Variants in SALL4 observed in about 807,000 individuals in gnomAD.
SALL4 encodes the protein sal-like protein 4.
SALL4 carries 4 observed loss-of-function variants against 60.8 expected under a neutral mutation model. That is an observed-to-expected ratio of 0.07 (90% CI 0.03 to 0.15). The LOEUF (loss-of-function observed/expected upper bound fraction) is 0.15, where lower values mean the gene tolerates loss of function less well. Ranked by LOEUF, SALL4 falls within the 10% of genes least tolerant of loss-of-function variation. The pLI, the probability that SALL4 is intolerant of heterozygous loss-of-function variation, is 1.00. For synonymous variants in SALL4, 580 were observed against 574.9 expected (o/e 1.01, Z -0.13); for missense variants, 1,178 against 1,394.7 (o/e 0.84, Z 2.48).
intron 1 of SALL4, chr20:51,792,658 C>G: frequency 1.6e-6 from 1 of 624,946 alleles, no homozygotes; most frequent in Non-Finnish European, 2.2e-6. Flanking sequence ...CATTGCACTC[C>G]AGCCTGAGCG....
intron 3 of SALL4, among the ~76,000 whole-genome samples, chr20:51,787,320 A>T (rs540724628): frequency 8.0e-4 from 122 of 152,088 alleles, no homozygotes; most frequent in Middle Eastern, 6.8e-3. Context: ...GCCACTCAAG[A>T]GGCTGAGGCA....
In SALL4 at chr20:51,790,755, G is replaced by A. The variant is rs747842851; in HGVS notation, c.1728C>T (p.Ser576=). ...AATGCATCTTGAGGGAGCTCTGACA[G>A]CTTAAGACTCGGTGGCAAATGAGAC... ...NECLICHRVL[S]CQSSLKMHYR... The change falls in exon 2 of 4, where the codon AGC becomes AGT. Residue 576 remains serine, a synonymous_variant. Transcript: ENST00000217086. This position sits in a 1 kb window ranked among gnomAD's most constrained non-coding sequence, Gnocchi z 5.5. The A allele has an allele frequency of 1.9e-6, 3 of 1,614,156 alleles. No homozygotes were observed. Among genetic ancestry groups the A allele is most frequent in the Admixed American group, 1.7e-5 (1 of 60,024 alleles).
rs142827249 is a variant in SALL4 at position 51,790,977 on chromosome 20, G to A, written c.1506C>T (p.Ser502=). ...GCCCAGGCTGCAGGTCACCGGGCAA[G>A]GAGCCACCCGTGAGGTCCTTGGGAT... ...GTNPKDLTGG[S]LPGDLQPGPS... The change falls in exon 2 of 4, where the codon TCC becomes TCT. Residue 502 remains serine, a synonymous_variant. Transcript: ENST00000217086. The surrounding 1 kb of genome is among the most constrained non-coding windows in gnomAD (Gnocchi z 5.5). 4 of 1,614,084 alleles carry A rather than the reference G, an allele frequency of 2.5e-6. No homozygotes were observed. In the African/African-American group the frequency reaches 5.3e-5, roughly 22 times the overall value.
Position 51,788,665 on chromosome 20 carries a change from T to G in SALL4, c.2742+196A>C, listed in dbSNP as rs1456277000. 6.6e-6 allele frequency among the ~76,000 whole-genome samples: 1 copy of G among 152,034 alleles called. No individual in the cohort carries two copies. The highest frequency in any genetic ancestry group is 6.6e-5 in the Admixed American group (1 of 15,252). ...TGAGCTTGAGATGGCGCCACTGCACTCCAGTCTGGGCGACAGAGTGAGACT... is the reference window on the plus strand; with the variant it reads ...TGAGCTTGAGATGGCGCCACTGCACGCCAGTCTGGGCGACAGAGTGAGACT... On this transcript the variant is annotated intron_variant, in intron 3 of 3. Transcript: ENST00000217086. This position sits in a 1 kb window ranked among gnomAD's most constrained non-coding sequence, Gnocchi z 4.1.
chr20:51,789,165 C>A (rs775885308), intron 2 of SALL4, 24 bp from the exon 3 acceptor site: 2 of 1,612,344 alleles, frequency 1.2e-6, no homozygotes, highest in Admixed American at 3.3e-5. Flanking sequence ...GGGAAAAAAG[C>A]CAGACCTTTA....
chr20:51,791,864 C>A lies in SALL4; in HGVS notation c.619G>T (p.Gly207Cys). 1.2e-6 allele frequency: 2 copies of A among 1,614,146 alleles called. No homozygotes were observed. Among genetic ancestry groups the A allele is most frequent in the Non-Finnish European group, 1.7e-6 (2 of 1,180,014 alleles). The change falls in exon 2 of 4, where the codon GGT (glycine) becomes TGT (cysteine). Residue 207 changes from glycine (G) to cysteine (C), a missense_variant. Around this residue, in one of 5 missense-constraint regions of SALL4, gnomAD observed 853 missense variants for 1,036.8 expected, o/e 0.82. Coordinates refer to ENST00000217086, the MANE Select transcript of SALL4 (RefSeq NM_020436.5). The surrounding 1 kb of genome is among the most constrained non-coding windows in gnomAD (Gnocchi z 4.6). ...AGGACCCACGGGATGCTGTTGGCAC[C>A]AGGCACGGGGGCAGGGAGTGCATCC... ...SADALPAPVP[G>C]ANSIPWVLEQ...
Position 51,788,486 on chromosome 20 carries a change from C to T in SALL4, c.2742+375G>A, listed in dbSNP as rs2078008638. Among the ~76,000 whole-genome samples the T allele has an allele frequency of 6.6e-6, 1 of 151,986 alleles. No individual in the cohort carries two copies. Among genetic ancestry groups the T allele is most frequent in the Non-Finnish European group, 1.5e-5 (1 of 68,010 alleles). On this transcript the variant is annotated intron_variant, in intron 3 of 3. Coordinates refer to ENST00000217086, the MANE Select transcript of SALL4 (RefSeq NM_020436.5). The surrounding 1 kb of genome is among the most constrained non-coding windows in gnomAD (Gnocchi z 4.1). The stretch of plus-strand genomic sequence containing the variant: ...CAGGCGGATCACGAGATCAGGAGAT[C>T]GAGACCATCCTGGCTAACGCGGTGA...
rs9679858 is a variant in SALL4 at position 51,795,673 on chromosome 20, T to C, written c.131-3321A>G. Among the ~76,000 whole-genome samples, 1,185 of 152,162 alleles carry C rather than the reference T, an allele frequency of 7.8e-3. 4 individuals carry two copies. The highest frequency in any genetic ancestry group is 0.014 in the Non-Finnish European group (945 of 68,002). ...AGGAAATACACGCTGCTGGTACGAG[T>C]GTATAGACAGATACAGCTCTTTCAG... On this transcript the variant is annotated intron_variant, in intron 1 of 3. Coordinates refer to ENST00000217086, the MANE Select transcript of SALL4 (RefSeq NM_020436.5).
chr20:51,789,012 C>T lies in SALL4; in HGVS notation c.2591G>A (p.Arg864His), dbSNP rs1677972812. The T allele has an allele frequency of 5.6e-6, 9 of 1,614,064 alleles. No homozygotes were observed. Among genetic ancestry groups the T allele is most frequent in the Admixed American group, 1.7e-5 (1 of 59,990 alleles). The change falls in exon 3 of 4, where the codon CGC (arginine) becomes CAC (histidine). Residue 864 changes from arginine to histidine, a missense_variant. Physicochemically the swap from Arg to His is conservative, Grantham distance 29 (BLOSUM62 0). Coordinates refer to ENST00000217086, the MANE Select transcript of SALL4 (RefSeq NM_020436.5). ...GMTPLLAAQP[R>H]RQAKQHGCTR... ...GCAGCCATGTTGCTTGGCCTGTCGGCGTGGCTGGGCTGCTAACAAAGGGGT... is the reference window on the plus strand; with the variant it reads ...GCAGCCATGTTGCTTGGCCTGTCGGTGTGGCTGGGCTGCTAACAAAGGGGT...
chr20:51,799,614 G>T (rs1026519954), intron 1 of SALL4, among the ~76,000 whole-genome samples: 3 of 152,216 alleles, frequency 2.0e-5, no homozygotes, highest in Admixed American at 6.5e-5. Context: ...AACGTAGAAA[G>T]TTGACCTGAA....
At position 51,792,712 on chromosome 20, in the gene SALL4, C is replaced by CAAAAAA. The variant is rs1568866688; in HGVS notation, c.131-361_131-360insTTTTTT. ...TCAAAAAAAAAAAAAAAAAAAAAGG[C>CAAAAAA]AAAAAGGCTGATCCCTGAATTTCTT... On this transcript the variant is annotated intron_variant, in intron 1 of 3. Transcript: ENST00000217086. 54 of 519,490 alleles carry CAAAAAA rather than the reference C, an allele frequency of 1.0e-4. 3 individuals are homozygous for CAAAAAA. The East Asian group carries it at 4.6e-3, about 44-fold the overall frequency. 32.2% of individuals were successfully genotyped at this position (519,490 alleles called of 1,614,324 possible). A position where few individuals can be genotyped will look rare whatever the true frequency, so the allele number is the denominator to read the frequency against.
Position 51,791,204 on chromosome 20 carries a change from C to G in SALL4, c.1279G>C (p.Val427Leu). The change falls in exon 2 of 4, where the codon GTG (valine) becomes CTG (leucine). Residue 427 changes from valine to leucine, a missense_variant. By Grantham distance (32) the Val-to-Leu change is conservative. Transcript: ENST00000217086. The surrounding 1 kb of genome is among the most constrained non-coding windows in gnomAD (Gnocchi z 4.6). ...ACCTGGGGATGTCGGTGAAAGTGCACCTTGAGGTTGCCCTTGGTGGTGAAG... is the reference window on the plus strand; with the variant it reads ...ACCTGGGGATGTCGGTGAAAGTGCAGCTTGAGGTTGCCCTTGGTGGTGAAG... ...HRFTTKGNLKVHFHRHPQVKA... is the reference protein window; with the variant it reads ...HRFTTKGNLKLHFHRHPQVKA... The G allele has an allele frequency of 1.2e-6, 2 of 1,614,044 alleles. No individual in the cohort carries two copies. Among genetic ancestry groups the G allele is most frequent in the Non-Finnish European group, 1.7e-6 (2 of 1,180,022 alleles).
chr20:51,798,183 C>A (rs1412793489), intron 1 of SALL4, among the ~76,000 whole-genome samples: 1 of 152,192 alleles, frequency 6.6e-6, no homozygotes, highest in Non-Finnish European at 1.5e-5. Flanking sequence ...TAAGTTTCCA[C>A]CTAATTAAGA....
intron 1 of SALL4, among the ~76,000 whole-genome samples, chr20:51,800,442 T>C (rs2078102768): frequency 1.3e-5 from 2 of 151,868 alleles, no homozygotes; most frequent in African/African-American, 4.8e-5. Context: ...AGGCCCGAGG[T>C]TTTAGCTCAG....
intron 1 of SALL4, among the ~76,000 whole-genome samples, chr20:51,792,575 G>C (rs1031989060): frequency 6.6e-6 from 1 of 151,552 alleles, no homozygotes; most frequent in Non-Finnish European, 1.5e-5. Context: ...TGTGGTCCCA[G>C]CTACTCGGGA....
chr20:51,794,075 G>A (rs2078065810), intron 1 of SALL4, among the ~76,000 whole-genome samples: 1 of 152,216 alleles, frequency 6.6e-6, no homozygotes, highest in African/African-American at 2.4e-5. Context: ...GTAGATGCCT[G>A]GATTTACTGA....
intron 2 of SALL4, 112 bp from the exon 3 acceptor site, chr20:51,789,253 G>T: frequency 7.9e-7 from 1 of 1,261,014 alleles, no homozygotes; most frequent in Non-Finnish European, 1.1e-6. Flanking sequence ...AGAGTCTGGA[G>T]CTGGCTTTGT....
chr20:51,797,153 T>C (rs1197185940), intron 1 of SALL4, among the ~76,000 whole-genome samples: 2 of 151,920 alleles, frequency 1.3e-5, no homozygotes, highest in Non-Finnish European at 2.9e-5. Context: ...ACCACAGATA[T>C]TTTCATATAG....
chr20:51,787,802 C>A (rs527631231), intron 3 of SALL4, among the ~76,000 whole-genome samples: 1 of 151,928 alleles, frequency 6.6e-6, no homozygotes, highest in African/African-American at 2.4e-5. Flanking sequence ...CCACTGCGTC[C>A]GGCCCTTTTC....
Sources: gnomAD v4.1 joint callset for allele counts (sites outside exome capture counted in the v4.1 genomes callset) on GRCh38, gnomAD v4.1.1 for gene constraint, gnomAD v4.1.1 regional missense constraint, Gnocchi (gnomAD v3.1) non-coding constraint, MANE v1.5 for transcripts, NCBI Gene and HGNC (gene_info 2026-07-23, HGNC 2026-07-21) for gene names.